KALRN: variants seen among roughly 807,000 people sequenced by gnomAD.
KALRN encodes the protein kalirin.
In KALRN, 70 loss-of-function variants were observed where a neutral mutation model predicts 353.7. The observed-to-expected ratio is 0.20, with a 90% CI of 0.16 to 0.24. KALRN has a LOEUF of 0.24. Ranked by LOEUF, KALRN falls within the 10% of genes least tolerant of loss-of-function variation. The pLI is 1.00. For missense variants in KALRN, 2,791 were observed against 3,756.7 expected, an observed-to-expected ratio of 0.74 and a Z score of 6.72; for synonymous variants, 1,391 against 1,434.8, an observed-to-expected ratio of 0.97 and a Z score of 0.69.
intron 15 of KALRN, among the ~76,000 whole-genome samples, chr3:124,428,071 T>C (rs1164498447): frequency 6.6e-6 from 1 of 152,206 alleles, no homozygotes; most frequent in African/African-American, 2.4e-5. Flanking sequence ...CTCATTTTAA[T>C]TATGATGTTT....
intron 36 of KALRN, among the ~76,000 whole-genome samples, chr3:124,634,213 A>C (rs150782056): frequency 3.3e-5 from 5 of 152,260 alleles, no homozygotes; most frequent in East Asian, 3.9e-4. Context: ...CTGTTGATAA[A>C]GGGTAATGGC....
At chr3:124,475,177 A>G (rs1384450494) in intron 26 of KALRN, among the ~76,000 whole-genome samples, 1 of 152,232 alleles carries the variant, frequency 6.6e-6, no homozygotes, top group Non-Finnish European at 1.5e-5. Flanking sequence ...CACATCATGG[A>G]GAATGGGTGG....
At chr3:124,289,508 A>T (rs1560473426) in intron 5 of KALRN, among the ~76,000 whole-genome samples, 1 of 152,212 alleles carries the variant, frequency 6.6e-6, no homozygotes, top group Non-Finnish European at 1.5e-5. Flanking sequence ...AAAATAAATA[A>T]AAAGGTGGTG....
intron 51 of KALRN, among the ~76,000 whole-genome samples, chr3:124,687,480 A>G (rs1453115365): frequency 1.3e-5 from 2 of 152,058 alleles, no homozygotes; most frequent in Admixed American, 1.3e-4. Flanking sequence ...TTCTGTTAAA[A>G]GCCATATTTT....
chr3:124,619,512 A>C (rs179689), intron 34 of KALRN, among the ~76,000 whole-genome samples: 1 of 135,020 alleles, frequency 7.4e-6, no homozygotes, highest in African/African-American at 2.8e-5. Context: ...TTTGAGATAG[A>C]GTTTTACTCT....
At chr3:124,481,526 C>A (rs2061985553) in intron 27 of KALRN, among the ~76,000 whole-genome samples, 1 of 152,162 alleles carries the variant, frequency 6.6e-6, no homozygotes, top group Non-Finnish European at 1.5e-5. Context: ...TGTTTAAGAT[C>A]TGTGATGCTT....
chr3:124,662,617 A>G (rs1559796655), intron 45 of KALRN, among the ~76,000 whole-genome samples: 3 of 152,224 alleles, frequency 2.0e-5, no homozygotes. Flanking sequence ...TTAAAACTCT[A>G]AAACATTACA....
chr3:124,121,690 T>C (rs1181740489), intron 1 of KALRN, among the ~76,000 whole-genome samples: 1 of 152,188 alleles, frequency 6.6e-6, no homozygotes, highest in African/African-American at 2.4e-5. Context: ...ATTTTACAGT[T>C]TGGGGATGCT....
chr3:124,503,683 C>T (rs891560284), intron 33 of KALRN, among the ~76,000 whole-genome samples: 19 of 152,260 alleles, frequency 1.2e-4, no homozygotes, highest in Non-Finnish European at 2.5e-4. Context: ...CCATCCTCTC[C>T]TCAGAGACAT....
chr3:124,603,081 T>C (rs778363335), intron 34 of KALRN, among the ~76,000 whole-genome samples: 6 of 152,172 alleles, frequency 3.9e-5, no homozygotes, highest in Non-Finnish European at 7.3e-5. Context: ...TGTGGGGTAT[T>C]ATTTTTATTT....
At chr3:124,064,350 C>G (rs2042190483) in intron 1 of KALRN, among the ~76,000 whole-genome samples, 1 of 152,070 alleles carries the variant, frequency 6.6e-6, no homozygotes, top group Admixed American at 6.5e-5. Flanking sequence ...TCTGTGGCAG[C>G]CATTTAGCGG....
At chr3:124,305,000 C>T (rs564789906) in intron 6 of KALRN, among the ~76,000 whole-genome samples, 1 of 152,282 alleles carries the variant, frequency 6.6e-6, no homozygotes, top group South Asian at 2.1e-4. Flanking sequence ...GGCAGAATTT[C>T]CATGTTGGGA....
intron 25 of KALRN, among the ~76,000 whole-genome samples, chr3:124,467,845 A>C (rs1252034955): frequency 6.6e-6 from 1 of 152,148 alleles, no homozygotes; most frequent in African/African-American, 2.4e-5. Context: ...GATAAGTGAG[A>C]AAACCATGAA....
At chr3:124,583,422 C>T (rs1268888651) in intron 34 of KALRN, among the ~76,000 whole-genome samples, 1 of 152,102 alleles carries the variant, frequency 6.6e-6, no homozygotes, top group Non-Finnish European at 1.5e-5. Flanking sequence ...TTGTGGAAAG[C>T]AAGCTTGGCC....
At chr3:124,523,081 G>A (rs2067296774) in intron 33 of KALRN, among the ~76,000 whole-genome samples, 1 of 152,150 alleles carries the variant, frequency 6.6e-6, no homozygotes, top group Admixed American at 6.5e-5. Flanking sequence ...TACTAGGTGG[G>A]CAGTGCAAAT....
chr3:124,321,976 A>G (rs2079386787), intron 6 of KALRN, among the ~76,000 whole-genome samples: 1 of 152,264 alleles, frequency 6.6e-6, no homozygotes, highest in Non-Finnish European at 1.5e-5. Flanking sequence ...AAAGGATTTA[A>G]GAAGATACAT....
chr3:124,419,762 C>T (rs1373930), intron 14 of KALRN, among the ~76,000 whole-genome samples: 58,715 of 152,020 alleles, frequency 0.39, 11,704 homozygotes, highest in South Asian at 0.48. Flanking sequence ...AGAAAGAAGT[C>T]TCAATAGAAC....
intron 10 of KALRN, among the ~76,000 whole-genome samples, chr3:124,351,974 T>G (rs956110068): frequency 1.3e-5 from 2 of 152,068 alleles, no homozygotes; most frequent in Non-Finnish European, 2.9e-5. Flanking sequence ...ACATTCAGAG[T>G]GAAGGCCCAG....
intron 33 of KALRN, among the ~76,000 whole-genome samples, chr3:124,548,933 C>T (rs1380950356): frequency 6.6e-6 from 1 of 152,210 alleles, no homozygotes; most frequent in Non-Finnish European, 1.5e-5. Context: ...GGATTATAGG[C>T]ATGAACCACC....
Sources: allele counts gnomAD v4.1 joint callset (sites outside exome capture counted in the v4.1 genomes callset), GRCh38; gene constraint gnomAD v4.1.1; transcripts MANE v1.5; gene names NCBI Gene and HGNC (gene_info 2026-07-23, HGNC 2026-07-21).